The following SCAF8 variants were observed in gnomAD, a reference collection of about 807,000 sequenced individuals.
The protein encoded by SCAF8 is SR-related and CTD-associated factor 8.
Under a neutral mutation model 140.5 loss-of-function variants are expected in SCAF8, and 23 were observed. The observed-to-expected ratio is 0.16, with a 90% CI of 0.12 to 0.23. The LOEUF is 0.23. SCAF8 is among the 10% of genes least tolerant of loss of function. The probability of loss-of-function intolerance (pLI) is 1.00; values close to 1 mark genes in which losing one functional copy is unlikely to be tolerated. For synonymous variants in SCAF8, 575 were observed against 528.9 expected (o/e 1.09, Z -1.20); for missense variants, 1,397 against 1,555.7 (o/e 0.90, Z 1.72).
At position 154,832,738 on chromosome 6, in the gene SCAF8, A is replaced by G; in HGVS notation, c.3159A>G (p.Pro1053=). Residue 1053 remains proline (P), a synonymous_variant, in exon 20 of 20, where the codon CCA becomes CCG. Transcript: ENST00000367178. ...IDPREGPGRP[P]LDGRDHFGRP... The stretch of plus-strand genomic sequence containing the variant: ...CAAGAGAAGGTCCTGGACGGCCTCC[A>G]CTAGATGGTAGGGATCATTTTGGAA... 2.5e-6 allele frequency: 4 copies of G among 1,613,978 alleles called. No individual in the cohort carries two copies. Among genetic ancestry groups the G allele is most frequent in the Non-Finnish European group, 3.4e-6 (4 of 1,179,982 alleles).
intron 6 of SCAF8, among the ~76,000 whole-genome samples, chr6:154,799,225 A>G (rs1777696510): frequency 1.3e-5 from 2 of 151,008 alleles, no homozygotes; most frequent in South Asian, 4.2e-4. Flanking sequence ...CGATCCCCCC[A>G]CGTCAGCCTC....
chr6:154,733,384 C>T (rs1393599291), upstream of SCAF8: 4 of 1,339,372 alleles, frequency 3.0e-6, no homozygotes, highest in African/African-American at 4.6e-5. Context: ...CGCCGCGGAT[C>T]CCCGAACTGC....
chr6:154,831,579 T>C (rs1006557840), intron 19 of SCAF8, among the ~76,000 whole-genome samples: 5 of 151,906 alleles, frequency 3.3e-5, no homozygotes, highest in Non-Finnish European at 7.4e-5. Context: ...GGTCCCACTG[T>C]TGGTACATTA....
chr6:154,794,780 G>GTGTGTGT (rs1777544722), intron 5 of SCAF8, among the ~76,000 whole-genome samples: 1 of 12,536 alleles, frequency 8.0e-5, no homozygotes, highest in Non-Finnish European at 1.3e-4. Context: ...GGGTGTGGGG[G>GTGTGTGT]GTGTGTGTGT....
At chr6:154,800,147 G>A (rs865869955) in intron 6 of SCAF8, among the ~76,000 whole-genome samples, 2 of 151,104 alleles carry the variant, frequency 1.3e-5, no homozygotes, top group Non-Finnish European at 3.0e-5. Context: ...GTTCTCTCTC[G>A]CCTCTGCTTA....
At position 154,803,529 on chromosome 6, in the gene SCAF8, C is replaced by T; in HGVS notation, c.784-15C>T. On this transcript the variant is annotated splice_polypyrimidine_tract_variant and intron_variant, in intron 7 of 19. Coordinates refer to ENST00000367178, the MANE Select transcript of SCAF8 (RefSeq NM_014892.5). ...AGCACTTTTTAATATGTCTGTTTCT[C>T]CTTCTTTCCCCCAGAAGTTGATGGA... The T allele has an allele frequency of 1.3e-6, 2 of 1,596,312 alleles. No homozygotes were observed. The highest frequency in any genetic ancestry group is 1.7e-6 in the Non-Finnish European group (2 of 1,164,940).
chr6:154,790,787 G>C (rs2114875772), intron 4 of SCAF8, among the ~76,000 whole-genome samples: 1 of 152,138 alleles, frequency 6.6e-6, no homozygotes, highest in South Asian at 2.1e-4. Flanking sequence ...TGGGATTACA[G>C]GCGTGAGCCA....
In SCAF8 at chr6:154,833,183, G is replaced by T. The variant is rs762070415; in HGVS notation, c.3604G>T (p.Ala1202Ser). The change falls in exon 20 of 20, where the codon GCC becomes TCC. Residue 1202 changes from alanine to serine, a missense_variant. Around this residue, in one of 5 missense-constraint regions of SCAF8, gnomAD observed 930 missense variants for 874.6 expected, o/e 1.06. Coordinates refer to ENST00000367178, the MANE Select transcript of SCAF8 (RefSeq NM_014892.5). ...HARVFDYFEG[A>S]TSQRKGDNVP... is the part of the protein sequence containing the mutation. ...TCGGGTTTTTGATTATTTTGAAGGG[G>T]CCACTTCTCAACGAAAAGGTGATAA... 3.7e-6 allele frequency: 6 copies of T among 1,614,034 alleles called. No homozygotes were observed. The East Asian group carries it at 1.3e-4, about 36-fold the overall frequency.
chr6:154,769,133 A>G (rs1776666134), intron 1 of SCAF8, among the ~76,000 whole-genome samples: 1 of 151,890 alleles, frequency 6.6e-6, no homozygotes, highest in African/African-American at 2.4e-5. Context: ...TTGTTCAAGA[A>G]TTGACTGTAT....
At chr6:154,786,545 T>C (rs1284540738) in intron 3 of SCAF8, among the ~76,000 whole-genome samples, 3 of 152,182 alleles carry the variant, frequency 2.0e-5, no homozygotes, top group Non-Finnish European at 4.4e-5. Flanking sequence ...AGGGCTATTA[T>C]TAAATATTTT....
intron 12 of SCAF8, among the ~76,000 whole-genome samples, chr6:154,810,491 G>T (rs926210075): frequency 6.6e-6 from 1 of 151,940 alleles, no homozygotes; most frequent in Admixed American, 6.5e-5. Context: ...GCTGGTATCT[G>T]TAGCATGGAC....
intron 1 of SCAF8, among the ~76,000 whole-genome samples, chr6:154,734,435 C>T (rs962962230): frequency 2.0e-5 from 3 of 152,180 alleles, no homozygotes; most frequent in South Asian, 2.1e-4. Context: ...ATAATTGAGG[C>T]ATTGTTGACT....
intron 12 of SCAF8, among the ~76,000 whole-genome samples, chr6:154,810,432 T>G (rs1270850204): frequency 6.6e-6 from 1 of 152,210 alleles, no homozygotes; most frequent in Non-Finnish European, 1.5e-5. Flanking sequence ...TTTTGTTTGT[T>G]TTTCAAATGC....
chr6:154,794,095 T>G (rs533252935), intron 5 of SCAF8, among the ~76,000 whole-genome samples: 4 of 151,926 alleles, frequency 2.6e-5, no homozygotes, highest in East Asian at 3.9e-4. Flanking sequence ...CTAATTTTTT[T>G]TTGTTGTTAT....
chr6:154,741,933 C>T, intron 1 of SCAF8: 1 of 1,513,176 alleles, frequency 6.6e-7, no homozygotes, highest in Non-Finnish European at 8.9e-7. Flanking sequence ...TTCTCAACAT[C>T]TTTCTCTACT....
chr6:154,737,114 T>C (rs988495619), intron 1 of SCAF8, among the ~76,000 whole-genome samples: 9 of 152,244 alleles, frequency 5.9e-5, no homozygotes, highest in African/African-American at 2.2e-4. Flanking sequence ...AATGATTGTT[T>C]TCCATTAAAT....
At chr6:154,758,920 T>G (rs1015431825) in intron 1 of SCAF8, among the ~76,000 whole-genome samples, 2 of 152,216 alleles carry the variant, frequency 1.3e-5, no homozygotes, top group Admixed American at 6.5e-5. Flanking sequence ...ATGGGGTTTC[T>G]CCTAGTGTTT....
At position 154,737,161 on chromosome 6, in the gene SCAF8, T is replaced by C. The variant is rs572182811; in HGVS notation, c.30+3231T>C. Among the ~76,000 whole-genome samples the C allele has an allele frequency of 2.0e-5, 3 of 152,338 alleles. No individual in the cohort carries two copies. The South Asian group carries it at 6.2e-4, about 32-fold the overall frequency. ...AATTACAAAAATTAAAAAGGAATTC[T>C]AGTTGCAGGATTAGGAGAAAAGGAT... On this transcript the variant is annotated intron_variant, in intron 1 of 19. Transcript: ENST00000367178.
chr6:154,790,840 C>CT (rs534151260), intron 4 of SCAF8, among the ~76,000 whole-genome samples: 43 of 151,306 alleles, frequency 2.8e-4, no homozygotes, highest in Middle Eastern at 3.4e-3. Context: ...TAGCCTCTGT[C>CT]TTTTTTTTTC....
Sources: allele counts gnomAD v4.1 joint callset (sites outside exome capture counted in the v4.1 genomes callset), GRCh38; gene constraint gnomAD v4.1.1; regional missense constraint gnomAD v4.1.1; transcripts MANE v1.5; gene names NCBI Gene and HGNC (gene_info 2026-07-23, HGNC 2026-07-21).